HECW2: variants seen among roughly 807,000 people sequenced by gnomAD.
The protein encoded by HECW2 is E3 ubiquitin-protein ligase HECW2.
Under a neutral mutation model 175.2 loss-of-function variants are expected in HECW2, and 61 were observed. That is an observed-to-expected ratio of 0.35 (90% CI 0.28 to 0.43). HECW2 has a LOEUF of 0.43. HECW2 is among the 20% of genes least tolerant of loss of function. HECW2 has a pLI of 1.00. For synonymous variants in HECW2, 671 were observed against 731.0 expected, an observed-to-expected ratio of 0.92 and a Z score of 1.32; for missense variants, 1,524 against 2,000.5, an observed-to-expected ratio of 0.76 and a Z score of 4.54.
intron 14 of HECW2, chr2:196,289,710 A>T (rs927582128): frequency 6.6e-6 from 1 of 152,180 alleles, no homozygotes; most frequent in Non-Finnish European, 1.5e-5. Flanking sequence ...CTGTCTCTTA[A>T]AATAAATATT....
chr2:196,489,977 A>G (rs1687128288), intron 1 of HECW2, among the ~76,000 whole-genome samples: 1 of 152,232 alleles, frequency 6.6e-6, no homozygotes, highest in South Asian at 2.1e-4. Flanking sequence ...ATCTGACTCC[A>G]TATGGGAGCT....
chr2:196,283,440 A>G (rs889579347), intron 14 of HECW2, among the ~76,000 whole-genome samples: 2 of 149,638 alleles, frequency 1.3e-5, no homozygotes, highest in African/African-American at 4.9e-5. Context: ...CAGTGGCACA[A>G]TCTTGGCTCC....
At chr2:196,532,639 T>C (rs1400275051) in intron 1 of HECW2, among the ~76,000 whole-genome samples, 1 of 151,842 alleles carries the variant, frequency 6.6e-6, no homozygotes, top group South Asian at 2.1e-4. Flanking sequence ...ATTTAAAAAA[T>C]AGTATGTGCA....
At chr2:196,485,197 G>C (rs950986036) in intron 1 of HECW2, among the ~76,000 whole-genome samples, 6 of 152,204 alleles carry the variant, frequency 3.9e-5, no homozygotes, top group South Asian at 2.1e-4. Flanking sequence ...GGAGCACCGA[G>C]TGTGAGGTAT....
At chr2:196,546,389 A>G (rs1689424585) in intron 1 of HECW2, among the ~76,000 whole-genome samples, 1 of 152,240 alleles carries the variant, frequency 6.6e-6, no homozygotes, top group Non-Finnish European at 1.5e-5. Context: ...ATGCTCTGTA[A>G]ACATTAGTCG....
At chr2:196,491,636 C>A (rs1468501955) in intron 1 of HECW2, among the ~76,000 whole-genome samples, 5 of 150,992 alleles carry the variant, frequency 3.3e-5, no homozygotes, top group Non-Finnish European at 7.4e-5. Flanking sequence ...AATTAAAAAA[C>A]AGAAAGTTTA....
At chr2:196,551,615 C>T (rs73989990) in intron 1 of HECW2, among the ~76,000 whole-genome samples, 7,703 of 152,050 alleles carry the variant, frequency 0.051, 648 homozygotes, top group African/African-American at 0.18. Flanking sequence ...TTTTTCCCTG[C>T]GCATACTATA....
chr2:196,448,131 A>G (rs1349933716), intron 1 of HECW2, among the ~76,000 whole-genome samples: 1 of 152,250 alleles, frequency 6.6e-6, no homozygotes, highest in Non-Finnish European at 1.5e-5. Context: ...ATTTGTGATT[A>G]TAACCTAAAT....
chr2:196,253,099 T>C (rs1445440306), intron 19 of HECW2, among the ~76,000 whole-genome samples: 1 of 152,262 alleles, frequency 6.6e-6, no homozygotes, highest in Non-Finnish European at 1.5e-5. Flanking sequence ...CATCTTTTCC[T>C]GTTTGCAGTA....
At chr2:196,216,209 T>A (rs745865341) in intron 27 of HECW2, among the ~76,000 whole-genome samples, 1 of 152,142 alleles carries the variant, frequency 6.6e-6, no homozygotes, top group Non-Finnish European at 1.5e-5. Flanking sequence ...GGAGGGTTTG[T>A]AGAAAATAAA....
intron 2 of HECW2, chr2:196,362,169 A>T (rs773859764): frequency 3.2e-4 from 316 of 985,480 alleles, no homozygotes; most frequent in Non-Finnish European, 3.7e-4. Flanking sequence ...CTGTCCAGGC[A>T]TCCTAAGTGA....
At chr2:196,519,925 C>T (rs1688292768) in intron 1 of HECW2, among the ~76,000 whole-genome samples, 2 of 152,196 alleles carry the variant, frequency 1.3e-5, no homozygotes, top group Admixed American at 1.3e-4. Flanking sequence ...CTCCAATCCA[C>T]ACTAGTGATG....
At chr2:196,207,871 A>T (rs765827830) in intron 28 of HECW2, among the ~76,000 whole-genome samples, 5 of 152,242 alleles carry the variant, frequency 3.3e-5, no homozygotes, top group African/African-American at 9.6e-5. Context: ...ATAGGGGGGA[A>T]TTCCTGTATC....
intron 1 of HECW2, among the ~76,000 whole-genome samples, chr2:196,435,176 C>T (rs1358356081): frequency 6.6e-6 from 1 of 152,194 alleles, no homozygotes. Context: ...AGCTGATTTA[C>T]TCAGTTCAAT....
intron 2 of HECW2, among the ~76,000 whole-genome samples, chr2:196,375,158 C>CAAAA (rs1407971130): frequency 1.1e-5 from 1 of 92,112 alleles, no homozygotes; most frequent in African/African-American, 4.9e-5. Context: ...GACTCAGTCT[C>CAAAA]AAAAAAAAAA....
intron 1 of HECW2, among the ~76,000 whole-genome samples, chr2:196,450,489 A>AT (rs34937207): frequency 0.17 from 23,209 of 135,460 alleles, 2,157 homozygotes; most frequent in Middle Eastern, 0.27. Context: ...CAAATATCAG[A>AT]TTTTTTTTTT....
intron 22 of HECW2, among the ~76,000 whole-genome samples, chr2:196,227,566 GC>G (rs11341992): frequency 0.81 from 122,428 of 151,974 alleles, 51,308 homozygotes; most frequent in Non-Finnish European, 0.92. Flanking sequence ...TACCATCAAT[GC>G]CCCCAGGTCA....
intron 2 of HECW2, among the ~76,000 whole-genome samples, chr2:196,397,552 A>T (rs983453199): frequency 1.3e-5 from 2 of 152,258 alleles, no homozygotes; most frequent in Non-Finnish European, 2.9e-5. Context: ...TATTTTTAAA[A>T]AATGTATTCT....
rs757559245 is a variant in HECW2 at position 196,433,315 on chromosome 2, T to C, written c.109A>G (p.Met37Val). 6.2e-6 allele frequency: 10 copies of C among 1,613,988 alleles called. No individual in the cohort carries two copies. The highest frequency in any genetic ancestry group is 2.2e-5 in the East Asian group (1 of 44,884). The change falls in exon 2 of 29, where the codon ATG becomes GTG. Residue 37 changes from methionine to valine, a missense_variant. Physicochemically the swap from Met to Val is conservative, Grantham distance 21 (BLOSUM62 1). This residue lies in a region of HECW2 where 135 missense variants were observed against 214.6 expected (regional missense o/e 0.63). Coordinates refer to ENST00000644978, the MANE Select transcript of HECW2 (RefSeq NM_001348768.2). ...CGCTGCAGGGTCATGTTCTCTGGCA[T>C]GGAGCTCTGGGCGGCAAGGCTCTGG... is the stretch of plus-strand genomic sequence containing the variant. ...NLQSLAAQSSMPENMTLQRAN... is the reference protein window; with the variant it reads ...NLQSLAAQSSVPENMTLQRAN...
Sources: gnomAD v4.1 joint callset for allele counts (sites outside exome capture counted in the v4.1 genomes callset) on GRCh38, gnomAD v4.1.1 for gene constraint, gnomAD v4.1.1 regional missense constraint, MANE v1.5 for transcripts, NCBI Gene and HGNC (gene_info 2026-07-23, HGNC 2026-07-21) for gene names.